MGLL: variants seen among roughly 807,000 people sequenced by gnomAD.
MGLL encodes the protein lysophospholipase homolog.
Under a neutral mutation model 29.1 loss-of-function variants are expected in MGLL, and 7 were observed. The observed-to-expected ratio is 0.24, with a 90% CI of 0.14 to 0.45. MGLL has a LOEUF of 0.45. MGLL is among the 20% of genes least tolerant of loss of function. MGLL has a pLI of 0.99. For synonymous variants in MGLL, 148 were observed against 168.3 expected (o/e 0.88, Z 0.93); for missense variants, 356 against 413.6 (o/e 0.86, Z 1.21).
chr3:127,710,633 C>T lies in MGLL; in HGVS notation c.543G>A (p.Leu181=). 6.4e-7 allele frequency: 1 copy of T among 1,574,242 alleles called. No homozygotes were observed. Among genetic ancestry groups the T allele is most frequent in the Non-Finnish European group, 8.6e-7 (1 of 1,158,904 alleles). Residue 181 remains leucine (L), a synonymous_variant, in exon 6 of 8, where the codon CTG becomes CTA. Transcript: ENST00000265052. ...CGATGGGCCCGAGGGACAAGTTTGGCAGCACAAGGTTGAGCACTTTCGCAG... is the reference window on the plus strand; with the variant it reads ...CGATGGGCCCGAGGGACAAGTTTGGTAGCACAAGGTTGAGCACTTTCGCAG... ...VLAAKVLNLV[L]PNLSLGPIDS... is the part of the protein sequence containing the mutation.
At chr3:127,822,202 C>A in intron 1 of MGLL, 107 bp downstream of exon 1, 1 of 1,267,434 alleles carries the variant, frequency 7.9e-7, no homozygotes, top group South Asian at 1.2e-5. Context: ...CAAGAAGACC[C>A]ATCTATCTTA....
intron 2 of MGLL, among the ~76,000 whole-genome samples, chr3:127,804,515 G>A (rs2077532556): frequency 6.6e-6 from 1 of 152,208 alleles, no homozygotes; most frequent in Non-Finnish European, 1.5e-5. Context: ...CCATGGTAGA[G>A]CCCACAGGTC....
chr3:127,745,528 A>G (rs2076425706), intron 3 of MGLL, among the ~76,000 whole-genome samples: 1 of 152,206 alleles, frequency 6.6e-6, no homozygotes, highest in Admixed American at 6.5e-5. Context: ...GTGGAATGAC[A>G]GACACTGGAG....
intron 3 of MGLL, among the ~76,000 whole-genome samples, chr3:127,766,833 G>A (rs1450041238): frequency 6.6e-6 from 1 of 152,202 alleles, no homozygotes; most frequent in Non-Finnish European, 1.5e-5. Flanking sequence ...CATTCTGGGA[G>A]GCTGAGGTGG....
chr3:127,781,384 A>G (rs2077122720), intron 3 of MGLL, among the ~76,000 whole-genome samples: 1 of 152,190 alleles, frequency 6.6e-6, no homozygotes, highest in African/African-American at 2.4e-5. Context: ...CTGGTCTGAA[A>G]TGCTTGGTAA....
intron 3 of MGLL, among the ~76,000 whole-genome samples, chr3:127,770,208 G>T (rs1480594247): frequency 6.6e-6 from 1 of 152,014 alleles, no homozygotes; most frequent in Admixed American, 6.6e-5. Flanking sequence ...TTTTTGTAGA[G>T]ACAGAGTCAC....
chr3:127,708,455 A>C (rs2075645700), intron 6 of MGLL, among the ~76,000 whole-genome samples: 1 of 152,198 alleles, frequency 6.6e-6, no homozygotes, highest in Non-Finnish European at 1.5e-5. Flanking sequence ...GGGGAGCCCC[A>C]CCAGGTGCTT....
intron 3 of MGLL, among the ~76,000 whole-genome samples, chr3:127,726,480 C>CAGCG (rs2076049615): frequency 1.3e-5 from 2 of 151,936 alleles, no homozygotes; most frequent in Non-Finnish European, 2.9e-5. Context: ...CACTCTGTTG[C>CAGCG]CCAAGCTGGA....
In MGLL at chr3:127,822,391, T is replaced by C; in HGVS notation, c.-73A>G. On this transcript the variant is annotated 5_prime_UTR_variant, in exon 1 of 8. Coordinates refer to ENST00000265052, the MANE Select transcript of MGLL (RefSeq NM_007283.7). The stretch of plus-strand genomic sequence containing the variant: ...GAACCAGGCAAATCGGGCTGTTCCC[T>C]CATCTGGGCGGCCCCAAGGCAGCAG... The C allele has an allele frequency of 6.5e-7, 1 of 1,543,446 alleles. No homozygotes were observed. The highest frequency in any genetic ancestry group is 9.0e-7 in the Non-Finnish European group (1 of 1,116,492).
At chr3:127,815,932 A>T (rs2077747149) in intron 2 of MGLL, among the ~76,000 whole-genome samples, 1 of 152,154 alleles carries the variant, frequency 6.6e-6, no homozygotes, top group African/African-American at 2.4e-5. Context: ...GTCAATAAGG[A>T]AGTATTTGCT....
chr3:127,706,287 C>T (rs1190158269), intron 6 of MGLL, among the ~76,000 whole-genome samples: 2 of 152,336 alleles, frequency 1.3e-5, no homozygotes, highest in Admixed American at 1.3e-4. Context: ...GTCCCACGTA[C>T]CCACAAAGGT....
intron 2 of MGLL, among the ~76,000 whole-genome samples, chr3:127,809,020 C>T (rs1378425105): frequency 6.6e-6 from 1 of 152,208 alleles, no homozygotes; most frequent in Non-Finnish European, 1.5e-5. Context: ...CTCAGCTGTT[C>T]CATCAAGGAC....
intron 3 of MGLL, among the ~76,000 whole-genome samples, chr3:127,750,995 C>T (rs1013472571): frequency 2.0e-5 from 3 of 152,090 alleles, no homozygotes; most frequent in Non-Finnish European, 4.4e-5. Context: ...TGTGGAGGGA[C>T]CAGAGGTGAG....
At chr3:127,703,644 A>G (rs1275430203) in intron 6 of MGLL, among the ~76,000 whole-genome samples, 1 of 152,232 alleles carries the variant, frequency 6.6e-6, no homozygotes, top group Non-Finnish European at 1.5e-5. Flanking sequence ...TTTGGCAACA[A>G]CTTCTTGGAT....
intron 5 of MGLL, among the ~76,000 whole-genome samples, chr3:127,718,765 A>G (rs1042527984): frequency 1.3e-5 from 2 of 152,174 alleles, no homozygotes; most frequent in Admixed American, 1.3e-4. Flanking sequence ...GCCAACCGGG[A>G]GAGAGACTCT....
chr3:127,804,236 A>G (rs1041958797), intron 2 of MGLL, among the ~76,000 whole-genome samples: 4 of 152,252 alleles, frequency 2.6e-5, no homozygotes, highest in Non-Finnish European at 4.4e-5. Context: ...GGTAACATCA[A>G]TGGGAGGAGG....
chr3:127,775,225 G>A (rs776016801), intron 3 of MGLL, among the ~76,000 whole-genome samples: 1 of 152,122 alleles, frequency 6.6e-6, no homozygotes, highest in Non-Finnish European at 1.5e-5. Flanking sequence ...CACCCTCGGA[G>A]TTGGGCCCCC....
chr3:127,693,272 C>A (rs1224842399), intron 7 of MGLL, among the ~76,000 whole-genome samples: 1 of 152,204 alleles, frequency 6.6e-6, no homozygotes, highest in African/African-American at 2.4e-5. Context: ...CCTGGCTTGA[C>A]CTGCCTTGGT....
At chr3:127,803,734 G>A (rs1033693776) in intron 2 of MGLL, among the ~76,000 whole-genome samples, 1 of 152,168 alleles carries the variant, frequency 6.6e-6, no homozygotes, top group Non-Finnish European at 1.5e-5. Context: ...CCTGGGATGA[G>A]TTAGGGAAGT....
Sources: allele counts gnomAD v4.1 joint callset (sites outside exome capture counted in the v4.1 genomes callset), GRCh38; gene constraint gnomAD v4.1.1; transcripts MANE v1.5; gene names NCBI Gene and HGNC (gene_info 2026-07-23, HGNC 2026-07-21).